The following ETNPPL variants were observed in gnomAD, a reference collection of about 807,000 sequenced individuals.
The protein encoded by ETNPPL is ethanolamine-phosphate phospho-lyase.
In ETNPPL, 30 loss-of-function variants were observed where a neutral mutation model predicts 55.5. That is an observed-to-expected ratio of 0.54 (90% CI 0.40 to 0.73). ETNPPL has a LOEUF of 0.73. ETNPPL is among the 30% of genes least tolerant of loss of function. ETNPPL has a pLI of 0.00. For missense variants in ETNPPL, 528 were observed against 607.9 expected (o/e 0.87, Z 1.38); for synonymous variants, 202 against 207.2 (o/e 0.98, Z 0.21).
At chr4:108,756,575 G>C in intron 3 of ETNPPL, 83 bp from the exon 4 acceptor site, 1 of 1,043,502 alleles carries the variant, frequency 9.6e-7, no homozygotes, top group Non-Finnish European at 1.5e-6. Context: ...GGTAGCTCAC[G>C]CCTGTAATCC....
chr4:108,758,074 G>C (rs749775231), intron 3 of ETNPPL, among the ~76,000 whole-genome samples: 21 of 139,974 alleles, frequency 1.5e-4, no homozygotes, highest in Non-Finnish European at 2.7e-4. Context: ...GTGTGATCTT[G>C]GCTCACTGCA....
intron 3 of ETNPPL, among the ~76,000 whole-genome samples, chr4:108,757,981 A>G (rs116797389): frequency 6.7e-6 from 1 of 150,066 alleles, no homozygotes; most frequent in African/African-American, 2.4e-5. Flanking sequence ...AATGTCTAAT[A>G]GTTAATTTTC....
chr4:108,754,119 AC>A (rs1729084852), intron 5 of ETNPPL, among the ~76,000 whole-genome samples: 1 of 151,686 alleles, frequency 6.6e-6, no homozygotes, highest in Non-Finnish European at 1.5e-5. Context: ...GACTACAGGC[AC>A]CTGCCACCAC....
chr4:108,760,044 C>A, intron 2 of ETNPPL, 136 bp from the exon 3 acceptor site: 1 of 1,132,768 alleles, frequency 8.8e-7, no homozygotes, highest in Non-Finnish European at 1.3e-6. Context: ...CCATATTTTG[C>A]TGCGATTTTC....
In ETNPPL at chr4:108,747,993, T is replaced by C; in HGVS notation, c.1082+12A>G. On this transcript the variant is annotated intron_variant, in intron 9 of 12. Transcript: ENST00000296486. Reference sequence around the variant, plus strand: ...AATGAGTAACTACATGACAACTTCATAATGAACATACCTAATATCTCCTAT... The same window carrying C: ...AATGAGTAACTACATGACAACTTCACAATGAACATACCTAATATCTCCTAT... The C allele has an allele frequency of 6.3e-7, 1 of 1,599,648 alleles. No homozygotes were observed. The highest frequency in any genetic ancestry group is 2.2e-5 in the East Asian group (1 of 44,542).
chr4:108,759,998 A>G (rs547430859), intron 2 of ETNPPL, 90 bp from the exon 3 acceptor site: 44 of 1,277,718 alleles, frequency 3.4e-5, no homozygotes, highest in Non-Finnish European at 4.4e-5. Flanking sequence ...AAGCAAGCAA[A>G]CAAACAAACA....
Position 108,754,695 on chromosome 4 carries a change from G to A in ETNPPL, c.426C>T (p.His142=), listed in dbSNP as rs1248225586. 6.3e-7 allele frequency: 1 copy of A among 1,588,132 alleles called. No homozygotes were observed. The highest frequency in any genetic ancestry group is 1.7e-5 in the Admixed American group (1 of 59,048). ...GGCTAATCTCAATTAAGGATGATAG[G>A]TGACCATGGTAAGCACTGAAGAGAC... ...VITLDHAYHG[H]LSSLIEISPY... The change falls in exon 5 of 13, where the codon CAC becomes CAT. Residue 142 remains histidine (H), a synonymous_variant. Transcript: ENST00000296486.
chr4:108,755,788 T>A (rs866924481), intron 4 of ETNPPL, among the ~76,000 whole-genome samples: 1 of 152,218 alleles, frequency 6.6e-6, no homozygotes, highest in African/African-American at 2.4e-5. Context: ...GCCACTGCAC[T>A]CCAGCCTGGA....
At chr4:108,757,395 GGTAAA>G (rs1277532833) in intron 3 of ETNPPL, among the ~76,000 whole-genome samples, 1 of 152,166 alleles carries the variant, frequency 6.6e-6, no homozygotes, top group Non-Finnish European at 1.5e-5. Flanking sequence ...GCCTCAGAGA[GGTAAA>G]GTAATCAGAA....
In ETNPPL at chr4:108,759,904, T is replaced by C. The variant is rs1560661700; in HGVS notation, c.180A>G (p.Gly60=). 5 of 1,613,240 alleles carry C rather than the reference T, an allele frequency of 3.1e-6. No individual in the cohort carries two copies. Among genetic ancestry groups the C allele is most frequent in the Non-Finnish European group, 4.2e-6 (5 of 1,179,738 alleles). Residue 60 remains glycine (G), a synonymous_variant, in exon 3 of 13, where the codon GGA becomes GGG. Transcript: ENST00000296486. Reference sequence around the variant, plus strand: ...CTTTGACCACTCCTGGGTGACAGTGTCCCACTAAAATTTATGAAACAAAAG... The same window carrying C: ...CTTTGACCACTCCTGGGTGACAGTGCCCCACTAAAATTTATGAAACAAAAG... ...LDCINNVAHV[G]HCHPGVVKAA... is the part of the protein sequence containing the mutation.
rs1728538110 is a variant in ETNPPL at position 108,746,980 on chromosome 4, A to G, written c.1083-129T>C. 8.3e-6 allele frequency: 5 copies of G among 598,898 alleles called. No homozygotes were observed. In the South Asian group the frequency reaches 9.3e-5, roughly 11 times the overall value. The allele number at this position is 598,898 out of a possible 1,614,324, so 37.1% of individuals were successfully genotyped here. On this transcript the variant is annotated intron_variant, in intron 9 of 12. Coordinates refer to ENST00000296486, the MANE Select transcript of ETNPPL (RefSeq NM_031279.4). ...TCTAACTAAATCAAGATACCAATCT[A>G]TGTTCACAGTTGTTTCTACTTTTGG... is the stretch of plus-strand genomic sequence containing the variant.
In ETNPPL at chr4:108,742,248, A is replaced by G. The variant is rs1728252347; in HGVS notation, c.*236T>C. On this transcript the variant is annotated 3_prime_UTR_variant, in exon 13 of 13. Transcript: ENST00000296486. ...TGCAAGCTTACAATTTAATAGAATAAATCAGGTAGCTTCAGAAATCAACTA... is the reference window on the plus strand; with the variant it reads ...TGCAAGCTTACAATTTAATAGAATAGATCAGGTAGCTTCAGAAATCAACTA... The G allele has an allele frequency of 2.9e-6, 1 of 350,614 alleles. No individual in the cohort carries two copies. Among genetic ancestry groups the G allele is most frequent in the Non-Finnish European group, 5.3e-6 (1 of 189,818 alleles). The allele number at this position is 350,614 out of a possible 1,614,324, so 21.7% of individuals were successfully genotyped here.
chr4:108,760,250 C>T lies in ETNPPL; in HGVS notation c.113G>A (p.Arg38Lys). 1 of 1,612,942 alleles carries T rather than the reference C, an allele frequency of 6.2e-7. No individual in the cohort carries two copies. ...SDPIKIVRAQRQYMFDENGEQ... is the reference protein window; with the variant it reads ...SDPIKIVRAQKQYMFDENGEQ... ...ACCGTTCTCATCAAACATGTACTGC[C>T]TCTGGGCTCTCACTATTTTGATGGG... Residue 38 changes from arginine (R) to lysine (K), a missense_variant, in exon 2 of 13, where the codon AGG becomes AAG. Physicochemically the swap from Arg to Lys is conservative, Grantham distance 26. Transcript: ENST00000296486.
At chr4:108,756,332 C>T (rs1729193273) in intron 4 of ETNPPL, 86 bp downstream of exon 4, 5 of 863,744 alleles carry the variant, frequency 5.8e-6, no homozygotes, top group Non-Finnish European at 9.7e-6. Context: ...CTTTCACATG[C>T]GTTCATGGTA....
rs201105404 is a variant in ETNPPL, at chr4:108,746,350, G to A, written c.1303+49C>T. 11 of 1,563,544 alleles carry A rather than the reference G, an allele frequency of 7.0e-6. No homozygotes were observed. In the South Asian group the frequency reaches 1.2e-4, roughly 17 times the overall value. The stretch of plus-strand genomic sequence containing the variant: ...ATGACTAGACCAGGGTTTGAGGGGT[G>A]GGTTTGGGAGAGGGAACAAGAAGAC... On this transcript the variant is annotated intron_variant, in intron 11 of 12. Transcript: ENST00000296486.
chr4:108,750,984 C>A lies in ETNPPL; in HGVS notation c.653G>T (p.Cys218Phe). 5 of 1,613,412 alleles carry A rather than the reference C, an allele frequency of 3.1e-6. No homozygotes were observed. The highest frequency in any genetic ancestry group is 4.2e-6 in the Non-Finnish European group (5 of 1,179,546). The change falls in exon 7 of 13, where the codon TGT (cysteine) becomes TTT (phenylalanine). Residue 218 changes from cysteine to phenylalanine, a missense_variant. Cys to Phe is a radical substitution (Grantham distance 205, BLOSUM62 -2). Coordinates refer to ENST00000296486, the MANE Select transcript of ETNPPL (RefSeq NM_031279.4). Reference protein sequence around the residue: ...AAFIAESMQSCGGQIIPPAGY... With the variant: ...AAFIAESMQSFGGQIIPPAGY... ...TGCTGGAGGAATTATTTGTCCGCCA[C>A]AACTCTGCATGGATTCAGCAATAAA...
chr4:108,745,994 C>T (rs1022396425), intron 11 of ETNPPL, among the ~76,000 whole-genome samples: 6 of 150,594 alleles, frequency 4.0e-5, no homozygotes, highest in African/African-American at 1.5e-4. Flanking sequence ...AGAACTGTCA[C>T]ACTGTAGCCT....
In ETNPPL at chr4:108,742,620, A is replaced by T; in HGVS notation, c.1372-8T>A. ...GTGGGCTTCTTTCAGCATCTGCAAGACAGGCACACAAAGCTCCAGTGGGCA... is the reference window on the plus strand; with the variant it reads ...GTGGGCTTCTTTCAGCATCTGCAAGTCAGGCACACAAAGCTCCAGTGGGCA... On this transcript the variant is annotated splice_polypyrimidine_tract_variant and splice_region_variant and intron_variant, in intron 12 of 12. Transcript: ENST00000296486. 6.2e-7 allele frequency: 1 copy of T among 1,613,672 alleles called. No homozygotes were observed. Among genetic ancestry groups the T allele is most frequent in the Non-Finnish European group, 8.5e-7 (1 of 1,179,976 alleles).
Position 108,746,798 on chromosome 4 carries a change from G to A in ETNPPL, c.1136C>T (p.Thr379Ile), listed in dbSNP as rs143708546. Residue 379 changes from threonine (T) to isoleucine (I), a missense_variant, in exon 10 of 13, where the codon ACC becomes ATC. Transcript: ENST00000296486. ...GTGCTGAGCTTCAGCTGTGGCAGGG[G>A]TCCTTTTCAGATGGTCCTTCACTAA... is the stretch of plus-strand genomic sequence containing the variant. ...IDLVKDHLKR[T>I]PATAEAQHII... 1,104 of 1,613,740 alleles carry A rather than the reference G, an allele frequency of 6.8e-4. 1 individual carries two copies. Among genetic ancestry groups the A allele is most frequent in the Non-Finnish European group, 8.8e-4 (1,043 of 1,179,950 alleles).
Sources: allele counts gnomAD v4.1 joint callset (sites outside exome capture counted in the v4.1 genomes callset), GRCh38; gene constraint gnomAD v4.1.1; transcripts MANE v1.5; gene names NCBI Gene and HGNC (gene_info 2026-07-23, HGNC 2026-07-21).